Variants in PCCA observed in about 807,000 individuals in gnomAD.
The protein encoded by PCCA is propionyl-CoA carboxylase subunit alpha.
In PCCA, 74 loss-of-function variants were observed where a neutral mutation model predicts 101.3. That is an observed-to-expected ratio of 0.73 (90% CI 0.61 to 0.89). The LOEUF (loss-of-function observed/expected upper bound fraction) is 0.89, where lower values mean the gene tolerates loss of function less well. Among genes scored for constraint, PCCA ranks in the 40% least tolerant of loss-of-function variants. The probability of loss-of-function intolerance (pLI) is 0.00; values close to 1 mark genes in which losing one functional copy is unlikely to be tolerated. For synonymous variants in PCCA, 294 were observed against 313.6 expected (o/e 0.94, Z 0.66); for missense variants, 891 against 907.0 (o/e 0.98, Z 0.23).
At chr13:100,452,424 G>A (rs927510418) in intron 21 of PCCA, among the ~76,000 whole-genome samples, 4 of 152,072 alleles carry the variant, frequency 2.6e-5, no homozygotes, top group African/African-American at 9.7e-5. Context: ...CCCTTGGTTG[G>A]CCTTGTTGCT....
chr13:100,241,095 A>C (rs571237469), intron 8 of PCCA, among the ~76,000 whole-genome samples: 3 of 152,274 alleles, frequency 2.0e-5, no homozygotes, highest in African/African-American at 7.2e-5. Flanking sequence ...AATTAAGATA[A>C]ATTTTTAATA....
chr13:100,368,008 G>C (rs2152811167), intron 18 of PCCA, among the ~76,000 whole-genome samples: 1 of 152,022 alleles, frequency 6.6e-6, no homozygotes, highest in Non-Finnish European at 1.5e-5. Context: ...AATGTACTAA[G>C]ATATTTCTCT....
intron 22 of PCCA, chr13:100,527,150 T>G: frequency 2.9e-6 from 1 of 344,746 alleles, no homozygotes; most frequent in South Asian, 2.4e-5. Flanking sequence ...CACATACAAT[T>G]TAGCCCTTTA....
At chr13:100,507,104 T>C (rs2086141870) in intron 21 of PCCA, among the ~76,000 whole-genome samples, 4 of 152,204 alleles carry the variant, frequency 2.6e-5, no homozygotes, top group African/African-American at 7.2e-5. Context: ...ATCTATAATA[T>C]TTTTCTTGAG....
Position 100,268,784 on chromosome 13 carries a change from G to T in PCCA, c.914+1G>T, listed in dbSNP as rs1162998218. On this transcript the variant is annotated splice_donor_variant, in intron 11 of 23. Coordinates refer to ENST00000376285, the MANE Select transcript of PCCA (RefSeq NM_000282.4). LOFTEE classifies it high-confidence loss of function. Reference sequence around the variant, plus strand: ...AGAAGGTGGTGGAGGAAGCACCAAGGTAAGTCTCCTAAGAAACATTTATAA... The same window carrying T: ...AGAAGGTGGTGGAGGAAGCACCAAGTTAAGTCTCCTAAGAAACATTTATAA... 6.2e-7 allele frequency: 1 copy of T among 1,604,098 alleles called. No homozygotes were observed. The highest frequency in any genetic ancestry group is 1.7e-5 in the Admixed American group (1 of 60,014).
chr13:100,148,189 T>C (rs536581069), intron 4 of PCCA, among the ~76,000 whole-genome samples: 11 of 152,226 alleles, frequency 7.2e-5, no homozygotes, highest in African/African-American at 2.6e-4. Context: ...AGCCTCCACT[T>C]GGGAAGCCTC....
At chr13:100,339,523 C>T (rs908088362) in intron 17 of PCCA, among the ~76,000 whole-genome samples, 1 of 152,220 alleles carries the variant, frequency 6.6e-6, no homozygotes, top group African/African-American at 2.4e-5. Context: ...AAGAATTACG[C>T]AAATTCTTCA....
rs577054603 is a variant in PCCA at position 100,279,052 on chromosome 13, C to T, written c.1065+5706C>T. Among the ~76,000 whole-genome samples, 7 of 152,204 alleles carry T rather than the reference C, an allele frequency of 4.6e-5. 1 individual carries two copies. The highest frequency in any genetic ancestry group is 4.2e-4 in the South Asian group (2 of 4,804). ...GGCCTGAAATTGCCCCACTTCTCAC[C>T]GGTGGTCTGGGCCCCACACTGTGAG... On this transcript the variant is annotated intron_variant, in intron 12 of 23. Transcript: ENST00000376285.
chr13:100,263,791 T>C (rs2062690074), intron 10 of PCCA, among the ~76,000 whole-genome samples: 1 of 151,176 alleles, frequency 6.6e-6, no homozygotes, highest in African/African-American at 2.4e-5. Context: ...ATACGGTATC[T>C]GTATATCATA....
intron 12 of PCCA, among the ~76,000 whole-genome samples, chr13:100,300,754 CAT>C (rs1221868846): frequency 9.2e-5 from 14 of 152,362 alleles, no homozygotes; most frequent in Admixed American, 8.5e-4. Context: ...TATGTCAGCA[CAT>C]GTTTTTGTAC....
intron 6 of PCCA, among the ~76,000 whole-genome samples, chr13:100,202,040 C>T (rs2058547530): frequency 6.6e-6 from 1 of 151,340 alleles, no homozygotes; most frequent in Non-Finnish European, 1.5e-5. Context: ...ATTTAAAATT[C>T]TTAGCTTGAC....
Position 100,347,775 on chromosome 13 carries a change from A to T in PCCA, c.1643+7516A>T, listed in dbSNP as rs548476685. 7.9e-5 allele frequency among the ~76,000 whole-genome samples: 12 copies of T among 152,332 alleles called. No individual in the cohort carries two copies. The South Asian group carries it at 2.3e-3, about 29-fold the overall frequency. On this transcript the variant is annotated intron_variant, in intron 18 of 23. Transcript: ENST00000376285. ...GTAGACTGCAAGTTCACTTATCCAG[A>T]TAATTGCACATTTATTTTCTATACA...
At chr13:100,118,986 T>G (rs56182799) in intron 4 of PCCA, among the ~76,000 whole-genome samples, 17,219 of 152,142 alleles carry the variant, frequency 0.11, 1,112 homozygotes, top group Middle Eastern at 0.17. Flanking sequence ...TTTTTTTTAT[T>G]AAATAATTTT....
At chr13:100,142,803 A>G (rs1450113084) in intron 4 of PCCA, among the ~76,000 whole-genome samples, 3 of 152,108 alleles carry the variant, frequency 2.0e-5, no homozygotes, top group African/African-American at 4.8e-5. Context: ...ACTAGATTCT[A>G]TGTGGTTGTC....
chr13:100,125,306 T>A (rs2049852232), intron 4 of PCCA, among the ~76,000 whole-genome samples: 1 of 152,206 alleles, frequency 6.6e-6, no homozygotes, highest in African/African-American at 2.4e-5. Context: ...TAGGTTGCAA[T>A]AGGAAATCTA....
chr13:100,260,397 GTTTTTT>G (rs1555397129), intron 9 of PCCA, among the ~76,000 whole-genome samples: 2 of 149,180 alleles, frequency 1.3e-5, no homozygotes, highest in Non-Finnish European at 1.5e-5. Flanking sequence ...GTGTGTGTGT[GTTTTTT>G]TTTTTTTTTT....
intron 4 of PCCA, among the ~76,000 whole-genome samples, chr13:100,122,079 T>C (rs926259284): frequency 6.6e-6 from 1 of 152,236 alleles, no homozygotes; most frequent in African/African-American, 2.4e-5. Context: ...TTGCATTTTT[T>C]CAAATGCTTT....
intron 8 of PCCA, among the ~76,000 whole-genome samples, chr13:100,242,743 G>T (rs764723066): frequency 1.3e-5 from 2 of 152,160 alleles, no homozygotes; most frequent in African/African-American, 2.4e-5. Flanking sequence ...GTTTGATATA[G>T]AAATATTTTT....
intron 1 of PCCA, among the ~76,000 whole-genome samples, chr13:100,094,795 C>T (rs1283505302): frequency 6.6e-6 from 1 of 152,162 alleles, no homozygotes; most frequent in Admixed American, 6.5e-5. Context: ...ACCATGTCGG[C>T]CTGGCTGGTC....
Sources: gnomAD v4.1 joint callset for allele counts (sites outside exome capture counted in the v4.1 genomes callset) on GRCh38, gnomAD v4.1.1 for gene constraint, MANE v1.5 for transcripts, NCBI Gene and HGNC (gene_info 2026-07-23, HGNC 2026-07-21) for gene names.